UBR4: variants seen among roughly 807,000 people sequenced by gnomAD.
UBR4 encodes the protein E3 ubiquitin-protein ligase UBR4.
UBR4 carries 124 observed loss-of-function variants against 575.6 expected under a neutral mutation model. The ratio of observed to expected loss-of-function variants is 0.22; its 90% CI spans 0.19 to 0.25. The LOEUF (loss-of-function observed/expected upper bound fraction) is 0.25, where lower values mean the gene tolerates loss of function less well. Ranked by LOEUF, UBR4 falls within the 10% of genes least tolerant of loss-of-function variation. UBR4 has a pLI of 1.00. For synonymous variants in UBR4, 2,455 were observed against 2,473.7 expected, an observed-to-expected ratio of 0.99 and a Z score of 0.22; for missense variants, 4,818 against 6,478.8, an observed-to-expected ratio of 0.74 and a Z score of 8.80.
At position 19,147,084 on chromosome 1, in the gene UBR4, A is replaced by G. The variant is rs566639864; in HGVS notation, c.7630-84T>C. On this transcript the variant is annotated intron_variant, in intron 51 of 105. Transcript: ENST00000375254. ...AAGAGGAGAGAAAAGCTGGCAGATC[A>G]CCAGGATTATTACCTCCTCTCAAGA... 1.2e-5 allele frequency: 17 copies of G among 1,450,038 alleles called. No individual in the cohort carries two copies. In the African/African-American group the frequency reaches 2.4e-4, roughly 21 times the overall value. 89.8% of individuals were successfully genotyped at this position (1,450,038 alleles called of 1,614,324 possible).
chr1:19,185,379 T>C, intron 14 of UBR4, 93 bp from the exon 15 acceptor site: 2 of 1,232,058 alleles, frequency 1.6e-6, no homozygotes, highest in South Asian at 1.6e-5. Context: ...TCAAAAGGAA[T>C]ACAAGGATAT....
rs1003406396 is a variant in UBR4 at position 19,173,339 on chromosome 1, A to C, written c.3166-33T>G. 4 of 1,613,460 alleles carry C rather than the reference A, an allele frequency of 2.5e-6. No homozygotes were observed. In the Admixed American group the frequency reaches 5.0e-5, roughly 20 times the overall value. On this transcript the variant is annotated intron_variant, in intron 23 of 105. Transcript: ENST00000375254. Reference sequence around the variant, plus strand: ...GACAGCAAGAAAAAGTGTTTAGGAGATGACTATAGGCAAAGCTTTCATTAT... The same window carrying C: ...GACAGCAAGAAAAAGTGTTTAGGAGCTGACTATAGGCAAAGCTTTCATTAT...
At chr1:19,086,049 G>A in intron 101 of UBR4, 96 bp downstream of exon 101, 1 of 1,492,708 alleles carries the variant, frequency 6.7e-7, no homozygotes, top group South Asian at 1.3e-5. Flanking sequence ...GAAGGTAACA[G>A]GAAATGGTGT....
chr1:19,097,135 G>T (rs1403880299), intron 91 of UBR4, 58 bp downstream of exon 91: 1 of 1,474,004 alleles, frequency 6.8e-7, no homozygotes, highest in African/African-American at 1.4e-5. Context: ...TAAGTCCTGG[G>T]ACGTGAGCCG....
chr1:19,134,734 G>T lies in UBR4; in HGVS notation c.8906+3273C>A, dbSNP rs530165057. On this transcript the variant is annotated intron_variant, in intron 60 of 105. Transcript: ENST00000375254. Reference sequence around the variant, plus strand: ...TTAGACCTCCTCTGTGGACAGTGGGGAAGGTCTTCAAAGAGAACCTCACAG... The same window carrying T: ...TTAGACCTCCTCTGTGGACAGTGGGTAAGGTCTTCAAAGAGAACCTCACAG... Among the ~76,000 whole-genome samples, 21 of 151,960 alleles carry T rather than the reference G, an allele frequency of 1.4e-4. No individual in the cohort carries two copies. The South Asian group carries it at 4.4e-3, about 32-fold the overall frequency.
intron 34 of UBR4, 66 bp from the exon 35 acceptor site, chr1:19,162,677 A>C: frequency 1.1e-5 from 16 of 1,496,326 alleles, no homozygotes; most frequent in Non-Finnish European, 1.3e-5. Flanking sequence ...ATGTTTTCTC[A>C]AGCTTTTTCA....
intron 65 of UBR4, 119 bp downstream of exon 65, chr1:19,124,422 G>C: frequency 7.3e-7 from 1 of 1,366,012 alleles, no homozygotes; most frequent in Non-Finnish European, 9.9e-7. Context: ...GACCTACAAA[G>C]GTGAAAGGGA....
intron 75 of UBR4, 22 bp from the exon 76 acceptor site, chr1:19,114,092 C>T (rs764076760): frequency 6.2e-7 from 1 of 1,603,084 alleles, no homozygotes; most frequent in Non-Finnish European, 8.5e-7. Context: ...AAGACAGGGA[C>T]TGAGTGAAGG....
chr1:19,198,340 T>C, intron 5 of UBR4, among the ~76,000 whole-genome samples: 1 of 152,232 alleles, frequency 6.6e-6, no homozygotes, highest in Admixed American at 6.5e-5. Context: ...AGAATGGTCG[T>C]CAAAACAGTA....
At chr1:19,187,626 G>A (rs1400983121) in intron 11 of UBR4, 86 bp from the exon 12 acceptor site, 3 of 1,337,266 alleles carry the variant, frequency 2.2e-6, no homozygotes, top group African/African-American at 2.9e-5. Flanking sequence ...GCCATTTTGG[G>A]GTTTCAGACC....
Position 19,081,438 on chromosome 1 carries a change from A to G in UBR4, c.15144T>C (p.Pro5048=). 1 of 1,614,074 alleles carries G rather than the reference A, an allele frequency of 6.2e-7. No individual in the cohort carries two copies. Among genetic ancestry groups the G allele is most frequent in the Non-Finnish European group, 8.5e-7 (1 of 1,180,022 alleles). The change falls in exon 103 of 106, where the codon CCT becomes CCC. Residue 5048 remains proline (P), a synonymous_variant. Coordinates refer to ENST00000375254, the MANE Select transcript of UBR4 (RefSeq NM_020765.3). Reference sequence around the variant, plus strand: ...CCACACGTGTGGCTCTCCACTGCTCAGGGGGCAGGATGTGAAGGGCCAAGA... The same window carrying G: ...CCACACGTGTGGCTCTCCACTGCTCGGGGGGCAGGATGTGAAGGGCCAAGA... ...FTVLALHILP[P]EQWRATRVEI...
Position 19,173,078 on chromosome 1 carries a change from T to G in UBR4, c.3307A>C (p.Ser1103Arg). ...YFARQISSFC[S>R]IDCTTILQLH... ...TGCAAGATGGTGGTACAGTCGATAC[T>G]ACAGAAGGATGAGATCTTTAAAAAT... The change falls in exon 25 of 106, where the codon AGT becomes CGT. Residue 1103 changes from serine to arginine, a missense_variant. Physicochemically the swap from Ser to Arg is moderately radical, Grantham distance 110. Coordinates refer to ENST00000375254, the MANE Select transcript of UBR4 (RefSeq NM_020765.3). 6.2e-7 allele frequency: 1 copy of G among 1,614,120 alleles called. No individual in the cohort carries two copies. Among genetic ancestry groups the G allele is most frequent in the Non-Finnish European group, 8.5e-7 (1 of 1,179,966 alleles).
chr1:19,162,528 T>C lies in UBR4; in HGVS notation c.4848A>G (p.Gln1616=). ...VTNALSQSNG[Q]GPSHLSVDGE... is the part of the protein sequence containing the mutation. ...CATCCACTGAGAGATGACTTGGGCC[T>C]TGACCATTACTCTGGCTCAGGGCAT... is the stretch of plus-strand genomic sequence containing the variant. The change falls in exon 35 of 106, where the codon CAA becomes CAG. Residue 1616 remains glutamine (Q), a synonymous_variant. Transcript: ENST00000375254. 1 of 1,614,180 alleles carries C rather than the reference T, an allele frequency of 6.2e-7. No homozygotes were observed. The highest frequency in any genetic ancestry group is 1.7e-5 in the Admixed American group (1 of 60,026).
chr1:19,164,417 A>G lies in UBR4; in HGVS notation c.4536T>C (p.Ala1512=). The G allele has an allele frequency of 6.2e-7, 1 of 1,614,172 alleles. No homozygotes were observed. ...TGGGAGTCAGGGTGCCCAGAAGAAC[A>G]GCACACACACCTTCCCCAACTTGGC... ...ENSQVGEGVC[A]VLLGTLTPMA... Residue 1512 remains alanine (A), a synonymous_variant, in exon 33 of 106, where the codon GCT becomes GCC. Coordinates refer to ENST00000375254, the MANE Select transcript of UBR4 (RefSeq NM_020765.3).
At position 19,164,904 on chromosome 1, in the gene UBR4, G is replaced by A. The variant is rs2150661638; in HGVS notation, c.4406C>T (p.Thr1469Ile). The A allele has an allele frequency of 6.2e-7, 1 of 1,614,176 alleles. No homozygotes were observed. Among genetic ancestry groups the A allele is most frequent in the Non-Finnish European group, 8.5e-7 (1 of 1,180,034 alleles). Residue 1469 changes from threonine to isoleucine, a missense_variant, in exon 32 of 106, where the codon ACC becomes ATC. By Grantham distance (89) the Thr-to-Ile change is moderately conservative (BLOSUM62 -1). Coordinates refer to ENST00000375254, the MANE Select transcript of UBR4 (RefSeq NM_020765.3). The part of the protein sequence containing the change: ...VEPVRLQAWL[T>I]RMTTSPPKDS... Reference sequence around the variant, plus strand: ...TTTTGGGGGCGATGTAGTCATGCGGGTGAGCCAGGCCTGCAGGCGCACAGG... The same window carrying A: ...TTTTGGGGGCGATGTAGTCATGCGGATGAGCCAGGCCTGCAGGCGCACAGG...
intron 2 of UBR4, 63 bp from the exon 3 acceptor site, chr1:19,199,817 A>G: frequency 6.9e-7 from 1 of 1,452,616 alleles, no homozygotes; most frequent in Non-Finnish European, 9.6e-7. Flanking sequence ...AAATTAAGCA[A>G]AGTAAGTATT....
rs1338314186 is a variant in UBR4 at position 19,164,235 on chromosome 1, A to G, written c.4700+18T>C. The stretch of plus-strand genomic sequence containing the variant: ...AAGATCAATGTTGTAACCTACAGAT[A>G]CAACTTCATCATCTTACCATCTGCT... On this transcript the variant is annotated intron_variant, in intron 33 of 105. Coordinates refer to ENST00000375254, the MANE Select transcript of UBR4 (RefSeq NM_020765.3). The G allele has an allele frequency of 1.9e-6, 3 of 1,606,216 alleles. No homozygotes were observed. Among genetic ancestry groups the G allele is most frequent in the South Asian group, 1.1e-5 (1 of 90,498 alleles).
chr1:19,142,823 T>C (rs1405565562), intron 55 of UBR4, among the ~76,000 whole-genome samples: 2 of 152,210 alleles, frequency 1.3e-5, no homozygotes, highest in African/African-American at 4.8e-5. Flanking sequence ...ATATTGCTAT[T>C]AGAAAATTTA....
intron 60 of UBR4, among the ~76,000 whole-genome samples, chr1:19,132,322 C>T (rs971113488): frequency 6.6e-6 from 1 of 151,796 alleles, no homozygotes; most frequent in African/African-American, 2.4e-5. Context: ...GCTGGGATTA[C>T]AGGTGCACGC....
Sources: allele counts gnomAD v4.1 joint callset (sites outside exome capture counted in the v4.1 genomes callset), GRCh38; gene constraint gnomAD v4.1.1; transcripts MANE v1.5; gene names NCBI Gene and HGNC (gene_info 2026-07-23, HGNC 2026-07-21).